NEDD4L: variants seen among roughly 807,000 people sequenced by gnomAD.
NEDD4L encodes the protein E3 ubiquitin-protein ligase NEDD4-like.
In NEDD4L, 54 loss-of-function variants were observed where a neutral mutation model predicts 148.9. That is an observed-to-expected ratio of 0.36 (90% CI 0.29 to 0.45). The LOEUF is 0.45. Ranked by LOEUF, NEDD4L falls within the 20% of genes least tolerant of loss-of-function variation. The pLI is 1.00. For synonymous variants in NEDD4L, 433 were observed against 440.7 expected, an observed-to-expected ratio of 0.98 and a Z score of 0.22; for missense variants, 856 against 1,233.8, an observed-to-expected ratio of 0.69 and a Z score of 4.59.
chr18:58,072,442 A>G (rs116165536), intron 1 of NEDD4L, among the ~76,000 whole-genome samples: 2,793 of 152,328 alleles, frequency 0.018, 93 homozygotes, highest in African/African-American at 0.063. Flanking sequence ...AAAACCACTC[A>G]ATGTAATCTG....
At chr18:58,130,023 A>G (rs1651503346) in intron 1 of NEDD4L, among the ~76,000 whole-genome samples, 1 of 133,692 alleles carries the variant, frequency 7.5e-6, no homozygotes, top group Non-Finnish European at 1.5e-5. Flanking sequence ...GTTGACTGTG[A>G]TCTAGTTGAA....
intron 1 of NEDD4L, among the ~76,000 whole-genome samples, chr18:58,162,169 G>C (rs915207692): frequency 1.8e-4 from 28 of 152,080 alleles, no homozygotes; most frequent in Admixed American, 1.3e-4. Context: ...CCTCACAGCA[G>C]CCACAGTGGT....
chr18:58,221,799 A>C (rs934106584), intron 2 of NEDD4L: 1 of 801,570 alleles, frequency 1.2e-6, no homozygotes, highest in African/African-American at 1.9e-5. Flanking sequence ...ATATGAATGC[A>C]TAACATCTGT....
intron 2 of NEDD4L, among the ~76,000 whole-genome samples, chr18:58,181,413 T>C (rs2038847063): frequency 6.6e-6 from 1 of 152,238 alleles, no homozygotes; most frequent in Admixed American, 6.5e-5. Flanking sequence ...TCCAGGTTTC[T>C]TTAAGAAAGG....
At chr18:58,155,590 A>G (rs12960965) in intron 1 of NEDD4L, among the ~76,000 whole-genome samples, 17,803 of 152,156 alleles carry the variant, frequency 0.12, 1,344 homozygotes, top group East Asian at 0.22. Flanking sequence ...GGACATTTGC[A>G]CCCTTTAAGG....
chr18:58,184,086 G>GAAT, intron 2 of NEDD4L, among the ~76,000 whole-genome samples: 1 of 152,126 alleles, frequency 6.6e-6, no homozygotes. Context: ...GGAGAATGGC[G>GAAT]AGAACCTGGG....
At chr18:58,053,311 T>C (rs1194600586) in intron 1 of NEDD4L, among the ~76,000 whole-genome samples, 2 of 114,212 alleles carry the variant, frequency 1.8e-5, no homozygotes, top group African/African-American at 2.6e-5. Context: ...TGTTAACAAT[T>C]TTTTTTTTTT....
chr18:58,329,783 G>A (rs1178933328), intron 10 of NEDD4L, among the ~76,000 whole-genome samples: 9 of 151,772 alleles, frequency 5.9e-5, no homozygotes, highest in Non-Finnish European at 1.3e-4. Flanking sequence ...ACAGGCGTGA[G>A]CCACTGTGTC....
At chr18:58,297,922 C>A (rs2055893546) in intron 5 of NEDD4L, among the ~76,000 whole-genome samples, 1 of 152,184 alleles carries the variant, frequency 6.6e-6, no homozygotes, top group Non-Finnish European at 1.5e-5. Flanking sequence ...ATTACAAGTG[C>A]ACCTTTCTGT....
chr18:58,138,195 A>G (rs1220934584), intron 1 of NEDD4L, among the ~76,000 whole-genome samples: 1 of 152,152 alleles, frequency 6.6e-6, no homozygotes, highest in East Asian at 1.9e-4. Context: ...TTTTTATTTC[A>G]TTAAATAAAT....
intron 1 of NEDD4L, among the ~76,000 whole-genome samples, chr18:58,115,245 C>CTTTTTTTTTTTTTTTTTTTTTTTTTTTTT (rs60541981): frequency 3.9e-5 from 5 of 129,536 alleles, no homozygotes; most frequent in African/African-American, 8.8e-5. Flanking sequence ...TTCTTTCTTT[C>CTTTTTTTTTTTTTTTTTTTTTTTTTTTTT]TTTTTTTTTT....
intron 10 of NEDD4L, among the ~76,000 whole-genome samples, chr18:58,330,420 C>G (rs1483906913): frequency 6.6e-6 from 1 of 152,154 alleles, no homozygotes; most frequent in Non-Finnish European, 1.5e-5. Context: ...AGTCACTGTT[C>G]AGAGAGGCAT....
At chr18:58,250,230 A>G (rs1726816938) in intron 4 of NEDD4L, among the ~76,000 whole-genome samples, 2 of 146,394 alleles carry the variant, frequency 1.4e-5, no homozygotes, top group African/African-American at 2.6e-5. Flanking sequence ...GCTCACTGCA[A>G]CCTCTGCCTC....
intron 1 of NEDD4L, among the ~76,000 whole-genome samples, chr18:58,151,918 G>A (rs1184125002): frequency 6.6e-6 from 1 of 152,018 alleles, no homozygotes; most frequent in Non-Finnish European, 1.5e-5. Context: ...GCAGCAGGTA[G>A]TAGGGCAGTA....
At chr18:58,188,955 C>T (rs114615301) in intron 2 of NEDD4L, among the ~76,000 whole-genome samples, 2,908 of 151,890 alleles carry the variant, frequency 0.019, 108 homozygotes, top group African/African-American at 0.067. Flanking sequence ...TCTTCTCTCC[C>T]GGGCCACTTT....
chr18:58,396,193 A>T lies in NEDD4L; in HGVS notation c.2852A>T (p.Tyr951Phe). The T allele has an allele frequency of 6.2e-7, 1 of 1,613,492 alleles. No individual in the cohort carries two copies. Among genetic ancestry groups the T allele is most frequent in the Non-Finnish European group, 8.5e-7 (1 of 1,179,620 alleles). Reference protein sequence around the residue: ...TCFNRLDLPPYETFEDLREKL... With the variant: ...TCFNRLDLPPFETFEDLREKL... ...TTTAATCGCCTTGACTTACCTCCAT[A>T]TGAAACCTTTGAAGATTTACGAGAG... The change falls in exon 31 of 31, where the codon TAT (tyrosine) becomes TTT (phenylalanine). Residue 951 changes from tyrosine to phenylalanine, a missense_variant. Tyr to Phe is a conservative substitution (Grantham distance 22). This residue lies in a region of NEDD4L where 286 missense variants were observed against 531.8 expected (regional missense o/e 0.54). Transcript: ENST00000400345.
In NEDD4L at chr18:58,400,912, A is replaced by G. The variant is rs1360671065; in HGVS notation, c.*4643A>G. ...CTGTATGTAATATATATACATATAT[A>G]CGTACATATGCTGTCCAAATATATT... On this transcript the variant is annotated 3_prime_UTR_variant, in exon 31 of 31. Coordinates refer to ENST00000400345, the MANE Select transcript of NEDD4L (RefSeq NM_001144967.3). 6.6e-6 allele frequency: 1 copy of G among 152,204 alleles called. No individual in the cohort carries two copies. Among genetic ancestry groups the G allele is most frequent in the African/African-American group, 2.4e-5 (1 of 41,436 alleles). 9.4% of individuals were successfully genotyped at this position (152,204 alleles called of 1,614,324 possible). A position where few individuals can be genotyped will look rare whatever the true frequency, so the allele number is the denominator to read the frequency against.
chr18:58,058,907 C>T (rs1399591218), intron 1 of NEDD4L, among the ~76,000 whole-genome samples: 1 of 152,230 alleles, frequency 6.6e-6, no homozygotes, highest in African/African-American at 2.4e-5. Flanking sequence ...GCCACAGCCA[C>T]ATCCCAATGA....
At chr18:58,341,840 G>T in intron 15 of NEDD4L, 43 bp downstream of exon 15, 1 of 1,590,086 alleles carries the variant, frequency 6.3e-7, no homozygotes, top group South Asian at 1.1e-5. Flanking sequence ...TCTGTCCTGT[G>T]ACTCCCATTC....
Sources: gnomAD v4.1 joint callset for allele counts (sites outside exome capture counted in the v4.1 genomes callset) on GRCh38, gnomAD v4.1.1 for gene constraint, gnomAD v4.1.1 regional missense constraint, MANE v1.5 for transcripts, NCBI Gene and HGNC (gene_info 2026-07-23, HGNC 2026-07-21) for gene names.